The following LRP1B variants were observed in gnomAD, a reference collection of about 807,000 sequenced individuals.
The protein encoded by LRP1B is low-density lipoprotein receptor-related protein 1B.
A neutral mutation model predicts 556.6 loss-of-function variants in LRP1B; 217 were observed. The ratio of observed to expected loss-of-function variants is 0.39; its 90% CI spans 0.35 to 0.44. The LOEUF (loss-of-function observed/expected upper bound fraction) is 0.44. Ranked by LOEUF, LRP1B falls within the 20% of genes least tolerant of loss-of-function variation. The pLI is 1.00. For synonymous variants in LRP1B, 2,047 were observed against 1,865.8 expected (o/e 1.10, Z -2.50); for missense variants, 5,053 against 5,620.8 (o/e 0.90, Z 3.23).
chr2:141,954,320 A>G (rs1701190061), intron 1 of LRP1B, among the ~76,000 whole-genome samples: 2 of 152,096 alleles, frequency 1.3e-5, no homozygotes, highest in African/African-American at 4.8e-5. Flanking sequence ...TGCAAAGAGC[A>G]AATAAAGAAA....
At position 141,228,219 on chromosome 2, in the gene LRP1B, T is replaced by C. The variant is rs1029632246; in HGVS notation, c.850+964A>G. 5.3e-5 allele frequency among the ~76,000 whole-genome samples: 8 copies of C among 152,202 alleles called. No individual in the cohort carries two copies. In the South Asian group the frequency reaches 1.7e-3, roughly 32 times the overall value. ...CGCACCCGGCTTCTCTTAATTTTTCTACAGATTTTTATTTTAGCCGAATTT... is the reference window on the plus strand; with the variant it reads ...CGCACCCGGCTTCTCTTAATTTTTCCACAGATTTTTATTTTAGCCGAATTT... On this transcript the variant is annotated intron_variant, in intron 6 of 90. Coordinates refer to ENST00000389484, the MANE Select transcript of LRP1B (RefSeq NM_018557.3).
At chr2:141,954,858 C>T (rs1461298732) in intron 1 of LRP1B, among the ~76,000 whole-genome samples, 1 of 152,014 alleles carries the variant, frequency 6.6e-6, no homozygotes, top group Non-Finnish European at 1.5e-5. Context: ...GAGGACCTTT[C>T]TTATGACATG....
At chr2:142,109,836 G>A (rs72851442) in intron 1 of LRP1B, among the ~76,000 whole-genome samples, 3 of 152,172 alleles carry the variant, frequency 2.0e-5, no homozygotes, top group Admixed American at 1.3e-4. Context: ...TTATTTAAAC[G>A]GGAGTTTTTC....
At chr2:140,589,705 A>G (rs1257266968) in intron 43 of LRP1B, among the ~76,000 whole-genome samples, 1 of 152,244 alleles carries the variant, frequency 6.6e-6, no homozygotes, top group African/African-American at 2.4e-5. Flanking sequence ...GAAATGCACT[A>G]TATAATTCCA....
At chr2:141,104,996 C>T (rs1404408707) in intron 7 of LRP1B, among the ~76,000 whole-genome samples, 1 of 152,040 alleles carries the variant, frequency 6.6e-6, no homozygotes, top group Non-Finnish European at 1.5e-5. Flanking sequence ...AGTAATAGCA[C>T]TTGATTCATA....
chr2:141,870,240 T>C (rs1558930436), intron 1 of LRP1B, among the ~76,000 whole-genome samples: 3 of 151,976 alleles, frequency 2.0e-5, no homozygotes, highest in African/African-American at 4.8e-5. Context: ...ATGACTCTTA[T>C]TTTTATTCTT....
At chr2:141,811,796 A>G (rs539167103) in intron 1 of LRP1B, among the ~76,000 whole-genome samples, 1 of 152,224 alleles carries the variant, frequency 6.6e-6, no homozygotes. Context: ...CTGTAGAATC[A>G]ACGATGTAGA....
chr2:140,305,135 G>A (rs1288629276), intron 83 of LRP1B, among the ~76,000 whole-genome samples: 1 of 152,122 alleles, frequency 6.6e-6, no homozygotes, highest in Non-Finnish European at 1.5e-5. Flanking sequence ...CCTTGGCAAT[G>A]TGGGCTCTTT....
At position 141,187,571 on chromosome 2, in the gene LRP1B, G is replaced by A. The variant is rs955825085; in HGVS notation, c.1013+850C>T. Among the ~76,000 whole-genome samples, 68 of 152,120 alleles carry A rather than the reference G, an allele frequency of 4.5e-4. 1 individual carries two copies. The highest frequency in any genetic ancestry group is 1.3e-3 in the African/African-American group (56 of 41,522). On this transcript the variant is annotated intron_variant, in intron 7 of 90. Transcript: ENST00000389484. ...CTTCAAATAAGGTGGTACACTATGT[G>A]GTTAATTTGAAAGTATCCTTGCCCA...
intron 49 of LRP1B, among the ~76,000 whole-genome samples, chr2:140,525,350 G>T (rs1558943146): frequency 6.6e-6 from 1 of 151,606 alleles, no homozygotes; most frequent in African/African-American, 2.4e-5. Context: ...ATGTAAAGAT[G>T]GTTAACAGTC....
intron 86 of LRP1B, chr2:140,269,150 G>A (rs376170206): frequency 2.0e-5 from 8 of 405,960 alleles, no homozygotes; most frequent in African/African-American, 4.1e-5. Flanking sequence ...ACACAGATGA[G>A]CCCCGAGATT....
chr2:140,772,460 C>T (rs1428345988), intron 33 of LRP1B, among the ~76,000 whole-genome samples: 1 of 151,992 alleles, frequency 6.6e-6, no homozygotes, highest in African/African-American at 2.4e-5. Context: ...CAGGGGTCTG[C>T]CACCATGTCT....
At chr2:140,288,151 ATTT>A (rs11441908) in intron 84 of LRP1B, among the ~76,000 whole-genome samples, 11 of 146,120 alleles carry the variant, frequency 7.5e-5, no homozygotes, top group Non-Finnish European at 1.5e-4. Context: ...AAATTTGGGG[ATTT>A]TTTTTTTTCC....
chr2:140,522,681 A>C (rs1288698071), intron 49 of LRP1B, among the ~76,000 whole-genome samples: 2 of 151,574 alleles, frequency 1.3e-5, no homozygotes, highest in African/African-American at 4.8e-5. Context: ...AGATTAACAA[A>C]AAAAAAAGAG....
chr2:141,285,098 AT>A (rs543994866), intron 3 of LRP1B, among the ~76,000 whole-genome samples: 2,908 of 135,592 alleles, frequency 0.021, 25 homozygotes, highest in African/African-American at 0.061. Flanking sequence ...CCCATATTTC[AT>A]TTTTTTTTTT....
intron 3 of LRP1B, among the ~76,000 whole-genome samples, chr2:141,364,335 G>C (rs1183780711): frequency 1.3e-5 from 2 of 149,964 alleles, no homozygotes; most frequent in African/African-American, 2.5e-5. Flanking sequence ...CACATACACA[G>C]TGGAATAATT....
chr2:141,517,289 C>CACACACACACACATA (rs71281834), intron 2 of LRP1B, among the ~76,000 whole-genome samples: 1 of 151,762 alleles, frequency 6.6e-6, no homozygotes, highest in Non-Finnish European at 1.5e-5. Context: ...CACACACACA[C>CACACACACACACATA]CTTAAAATGG....
chr2:140,812,322 C>T (rs1384586274), intron 32 of LRP1B, among the ~76,000 whole-genome samples: 2 of 151,964 alleles, frequency 1.3e-5, no homozygotes, highest in Non-Finnish European at 2.9e-5. Context: ...CTATATTTCC[C>T]TATAATAAAA....
At chr2:141,975,683 T>C (rs892943272) in intron 1 of LRP1B, among the ~76,000 whole-genome samples, 1 of 152,148 alleles carries the variant, frequency 6.6e-6, no homozygotes, top group East Asian at 1.9e-4. Context: ...GTCTGATGCC[T>C]GCAAGTGACC....
Sources: gnomAD v4.1 joint callset for allele counts (sites outside exome capture counted in the v4.1 genomes callset) on GRCh38, gnomAD v4.1.1 for gene constraint, MANE v1.5 for transcripts, NCBI Gene and HGNC (gene_info 2026-07-23, HGNC 2026-07-21) for gene names.